Variants in BPNT2 observed in about 807,000 individuals in gnomAD.
BPNT2 encodes Golgi-resident adenosine 3',5'-bisphosphate 3'-phosphatase.
In BPNT2, 11 loss-of-function variants were observed where a neutral mutation model predicts 29.3. The ratio of observed to expected loss-of-function variants is 0.38; its 90% CI spans 0.24 to 0.62. The LOEUF (loss-of-function observed/expected upper bound fraction) is 0.62. Ranked by LOEUF, BPNT2 falls within the 20% of genes least tolerant of loss-of-function variation. The probability of loss-of-function intolerance (pLI) is 0.62; values close to 1 mark genes in which losing one functional copy is unlikely to be tolerated. For synonymous variants in BPNT2, 195 were observed against 187.7 expected, an observed-to-expected ratio of 1.04 and a Z score of -0.32; for missense variants, 459 against 473.4, an observed-to-expected ratio of 0.97 and a Z score of 0.28.
intron 1 of BPNT2, among the ~76,000 whole-genome samples, chr8:56,988,686 A>G (rs188549951): frequency 1.3e-5 from 2 of 152,232 alleles, no homozygotes; most frequent in African/African-American, 4.8e-5. Context: ...GCAGATTTGT[A>G]TTTTCAGTTC....
At chr8:56,984,739 C>T (rs1806301109) in intron 1 of BPNT2, among the ~76,000 whole-genome samples, 1 of 152,322 alleles carries the variant, frequency 6.6e-6, no homozygotes, top group Non-Finnish European at 1.5e-5. Flanking sequence ...CTAAATCAGA[C>T]CGTGGCACCC....
At chr8:56,965,525 T>A (rs907979907) in intron 4 of BPNT2, among the ~76,000 whole-genome samples, 3 of 152,176 alleles carry the variant, frequency 2.0e-5, no homozygotes, top group African/African-American at 7.2e-5. Context: ...GGCCTGTTCT[T>A]ACAGGGTTAA....
chr8:56,993,553 C>T lies in BPNT2; in HGVS notation c.33G>A (p.Leu11=), dbSNP rs1806456428. The change falls in exon 1 of 5, where the codon CTG becomes CTA. Residue 11 remains leucine (L), a synonymous_variant. Transcript: ENST00000262644. Reference sequence around the variant, plus strand: ...CCAGCAGGCAAAACACTGCCACCCCCAGTGGGGAAAGGCGGATGCCCATGG... The same window carrying T: ...CCAGCAGGCAAAACACTGCCACCCCTAGTGGGGAAAGGCGGATGCCCATGG... The part of the protein sequence containing the change: MAPMGIRLSP[L]GVAVFCLLGL... 6.7e-7 allele frequency: 1 copy of T among 1,481,914 alleles called. No homozygotes were observed. The highest frequency in any genetic ancestry group is 1.5e-5 in the African/African-American group (1 of 68,148). 91.8% of individuals were successfully genotyped at this position (1,481,914 alleles called of 1,614,324 possible).
chr8:56,981,978 G>A (rs1160397618), intron 1 of BPNT2, among the ~76,000 whole-genome samples: 1 of 152,144 alleles, frequency 6.6e-6, no homozygotes, highest in Non-Finnish European at 1.5e-5. Flanking sequence ...ATAGTCTTCA[G>A]AAAGTTGCAG....
Position 56,964,056 on chromosome 8 carries a change from C to G in BPNT2, c.817G>C (p.Val273Leu). The change falls in exon 5 of 5, where the codon GTT becomes CTT. Residue 273 changes from valine to leucine, a missense_variant. Coordinates refer to ENST00000262644, the MANE Select transcript of BPNT2 (RefSeq NM_017813.5). ...TCAGGCACATCCAAAAGTGCTAAAA[C>G]TTTATAACCTAAAAGATAAACAAAG... is the stretch of plus-strand genomic sequence containing the variant. ...IIPAGGAGYK[V>L]LALLDVPDKS... The G allele has an allele frequency of 1.3e-6, 2 of 1,585,364 alleles. No individual in the cohort carries two copies. The highest frequency in any genetic ancestry group is 1.7e-6 in the Non-Finnish European group (2 of 1,161,872).
At chr8:56,980,332 C>T in intron 1 of BPNT2, 135 bp from the exon 2 acceptor site, 1 of 709,396 alleles carries the variant, frequency 1.4e-6, no homozygotes, top group Non-Finnish European at 2.4e-6. Flanking sequence ...TTTGATGCTC[C>T]ATATTGCAAA....
chr8:56,976,999 C>T (rs143569278), intron 3 of BPNT2, among the ~76,000 whole-genome samples: 1 of 152,230 alleles, frequency 6.6e-6, no homozygotes, highest in East Asian at 1.9e-4. Context: ...TAGAACTTTG[C>T]TTCAACCATA....
At chr8:56,981,254 T>C (rs1429550300) in intron 1 of BPNT2, among the ~76,000 whole-genome samples, 4 of 152,228 alleles carry the variant, frequency 2.6e-5, no homozygotes, top group Non-Finnish European at 2.9e-5. Context: ...TTAGTCTAAT[T>C]TGTAAAACAG....
chr8:56,990,312 T>C (rs778947105), intron 1 of BPNT2, among the ~76,000 whole-genome samples: 8 of 152,242 alleles, frequency 5.3e-5, no homozygotes, highest in Admixed American at 3.3e-4. Context: ...TCAGTTTGTC[T>C]GTTCTGTGGC....
chr8:56,964,367 T>G, intron 4 of BPNT2: 1 of 254,546 alleles, frequency 3.9e-6, no homozygotes, highest in Non-Finnish European at 7.7e-6. Context: ...AGCGCGATCT[T>G]GGCTCACTGC....
At chr8:56,989,621 C>T (rs936322264) in intron 1 of BPNT2, among the ~76,000 whole-genome samples, 1 of 152,164 alleles carries the variant, frequency 6.6e-6, no homozygotes, top group Non-Finnish European at 1.5e-5. Context: ...TCATCTCTCC[C>T]ATGGCCTGTT....
chr8:56,975,476 A>G (rs1029816496), intron 3 of BPNT2, among the ~76,000 whole-genome samples: 5 of 150,654 alleles, frequency 3.3e-5, no homozygotes, highest in Admixed American at 2.0e-4. Context: ...TTTTAATTAA[A>G]AAAAGTCATA....
In BPNT2 at chr8:56,966,376, T is replaced by C. The variant is rs369140097; in HGVS notation, c.647-24A>G. 1.9e-5 allele frequency: 31 copies of C among 1,604,804 alleles called. 1 individual carries two copies. In the South Asian group the frequency reaches 2.9e-4, roughly 15 times the overall value. On this transcript the variant is annotated intron_variant, in intron 3 of 4. Coordinates refer to ENST00000262644, the MANE Select transcript of BPNT2 (RefSeq NM_017813.5). ...AGCTGAAAAGCAAATATAATATCCA[T>C]TAATGGCACTGAAGCTTTAAAACTA...
chr8:56,979,944 G>T, intron 2 of BPNT2, 91 bp downstream of exon 2: 1 of 1,182,214 alleles, frequency 8.5e-7, no homozygotes, highest in Non-Finnish European at 1.3e-6. Flanking sequence ...AACAATCAGT[G>T]AGCCACTATC....
chr8:56,986,759 C>T (rs992524869), intron 1 of BPNT2, among the ~76,000 whole-genome samples: 3 of 152,136 alleles, frequency 2.0e-5, no homozygotes, highest in Non-Finnish European at 4.4e-5. Flanking sequence ...TTAAATATCT[C>T]ATGTAATTTA....
chr8:56,970,995 G>A (rs537143910), intron 3 of BPNT2, among the ~76,000 whole-genome samples: 3 of 152,128 alleles, frequency 2.0e-5, no homozygotes, highest in Non-Finnish European at 2.9e-5. Flanking sequence ...TATCTCTAGA[G>A]GTCAGTATTG....
At chr8:56,965,719 CCT>C (rs1805934535) in intron 4 of BPNT2, among the ~76,000 whole-genome samples, 2 of 152,046 alleles carry the variant, frequency 1.3e-5, no homozygotes, top group South Asian at 4.1e-4. Flanking sequence ...TGCGCACTAG[CCT>C]CTCTTGCTCA....
intron 1 of BPNT2, among the ~76,000 whole-genome samples, chr8:56,992,281 C>A (rs11995249): frequency 0.13 from 19,858 of 152,054 alleles, 1,482 homozygotes; most frequent in East Asian, 0.18. Flanking sequence ...TTCCCAGTAG[C>A]CAAAACTACA....
chr8:56,979,355 T>C (rs574457024), intron 2 of BPNT2, among the ~76,000 whole-genome samples: 204 of 152,328 alleles, frequency 1.3e-3, no homozygotes, highest in African/African-American at 4.5e-3. Flanking sequence ...AATCTCAGTT[T>C]AGGAGAACTT....
Sources: gnomAD v4.1 joint callset for allele counts (sites outside exome capture counted in the v4.1 genomes callset) on GRCh38, gnomAD v4.1.1 for gene constraint, MANE v1.5 for transcripts, NCBI Gene and HGNC (gene_info 2026-07-23, HGNC 2026-07-21) for gene names.